Variants in SOX5 observed in about 807,000 individuals in gnomAD.
SOX5 encodes the protein SRY-box transcription factor 5.
In SOX5, 9 loss-of-function variants were observed where a neutral mutation model predicts 92.0. The ratio of observed to expected loss-of-function variants is 0.10; its 90% confidence interval spans 0.06 to 0.17. The LOEUF (loss-of-function observed/expected upper bound fraction) is 0.17, where lower values mean the gene tolerates loss of function less well. SOX5 is among the 10% of genes least tolerant of loss of function. The pLI, the probability that SOX5 is intolerant of heterozygous loss-of-function variation, is 1.00. For missense variants in SOX5, 642 were observed against 944.5 expected (o/e 0.68, Z 4.20); for synonymous variants, 344 against 336.3 (o/e 1.02, Z -0.25).
At chr12:23,581,595 C>T (rs866978082) in intron 9 of SOX5, among the ~76,000 whole-genome samples, 1 of 152,002 alleles carries the variant, frequency 6.6e-6, no homozygotes, top group African/African-American at 2.4e-5. Flanking sequence ...ATACATTCAT[C>T]CATATCTTAT....
At chr12:24,128,500 C>CAA (rs553558525) in intron 4 of SOX5, among the ~76,000 whole-genome samples, 1 of 151,816 alleles carries the variant, frequency 6.6e-6, no homozygotes, top group Non-Finnish European at 1.5e-5. Flanking sequence ...GATAGGGTAG[C>CAA]AAAAAAAGAC....
At chr12:24,172,673 G>C (rs929011619) in intron 4 of SOX5, among the ~76,000 whole-genome samples, 1 of 152,202 alleles carries the variant, frequency 6.6e-6, no homozygotes. Context: ...CTGGCAGAAA[G>C]AGAAAAATCT....
chr12:24,161,103 C>G (rs966364727), intron 4 of SOX5, among the ~76,000 whole-genome samples: 1 of 152,070 alleles, frequency 6.6e-6, no homozygotes, highest in African/African-American at 2.4e-5. Context: ...TGTTCCTACG[C>G]TGAGGTATTG....
At chr12:23,771,807 A>G (rs968262925) in intron 3 of SOX5, among the ~76,000 whole-genome samples, 7 of 152,192 alleles carry the variant, frequency 4.6e-5, no homozygotes, top group African/African-American at 7.2e-5. Flanking sequence ...TGTCAAGACT[A>G]CAAAACAGTG....
intron 1 of SOX5, among the ~76,000 whole-genome samples, chr12:24,487,004 C>G (rs985328640): frequency 2.0e-5 from 3 of 152,180 alleles, no homozygotes; most frequent in African/African-American, 7.2e-5. Context: ...CGTGCTCATT[C>G]TACCAGCTCA....
intron 3 of SOX5, among the ~76,000 whole-genome samples, chr12:23,816,984 A>G (rs1018767184): frequency 2.6e-5 from 4 of 152,178 alleles, no homozygotes; most frequent in Admixed American, 2.6e-4. Context: ...AAAAATATAG[A>G]TTACATTTTA....
chr12:23,802,713 T>C (rs2095685354), intron 3 of SOX5, among the ~76,000 whole-genome samples: 1 of 152,196 alleles, frequency 6.6e-6, no homozygotes, highest in African/African-American at 2.4e-5. Context: ...CTACAATACA[T>C]TTCAATACAA....
At chr12:24,290,954 A>G (rs1451717116) in intron 2 of SOX5, among the ~76,000 whole-genome samples, 3 of 152,232 alleles carry the variant, frequency 2.0e-5, no homozygotes, top group Admixed American at 1.3e-4. Flanking sequence ...AAGTTCACAT[A>G]GCTACTTGTA....
chr12:23,607,052 A>G (rs957915065), intron 8 of SOX5, among the ~76,000 whole-genome samples: 5 of 152,132 alleles, frequency 3.3e-5, no homozygotes, highest in African/African-American at 9.7e-5. Flanking sequence ...CTCTCCCCCA[A>G]ATTGCCCATA....
chr12:23,608,617 G>C (rs1426146826), intron 8 of SOX5, among the ~76,000 whole-genome samples: 1 of 152,084 alleles, frequency 6.6e-6, no homozygotes, highest in Non-Finnish European at 1.5e-5. Flanking sequence ...CTTTGGACAA[G>C]GCAGAACTGA....
intron 1 of SOX5, among the ~76,000 whole-genome samples, chr12:24,514,313 C>T (rs932359981): frequency 2.6e-5 from 4 of 152,168 alleles, no homozygotes; most frequent in Non-Finnish European, 4.4e-5. Flanking sequence ...CTCCAAGACA[C>T]GTATCATCTA....
intron 1 of SOX5, among the ~76,000 whole-genome samples, chr12:24,375,887 C>T (rs77631287): frequency 2.6e-5 from 4 of 152,088 alleles, no homozygotes; most frequent in South Asian, 2.1e-4. Flanking sequence ...TTACTCCAAC[C>T]GCTTTTAAAA....
intron 10 of SOX5, among the ~76,000 whole-genome samples, chr12:23,570,882 G>A (rs1389090717): frequency 1.6e-5 from 2 of 124,370 alleles, no homozygotes; most frequent in African/African-American, 6.3e-5. Flanking sequence ...CTGCACTCCA[G>A]CCTGGGCTAC....
At chr12:24,252,538 T>A (rs1940307396) in intron 3 of SOX5, among the ~76,000 whole-genome samples, 2 of 152,076 alleles carry the variant, frequency 1.3e-5, no homozygotes, top group Non-Finnish European at 2.9e-5. Flanking sequence ...AATAGGCAAG[T>A]GTTTCATCTA....
intron 4 of SOX5, among the ~76,000 whole-genome samples, chr12:24,086,332 C>T (rs1329855299): frequency 6.6e-6 from 1 of 151,922 alleles, no homozygotes; most frequent in Non-Finnish European, 1.5e-5. Context: ...GACATGATTA[C>T]AGAATCAACT....
intron 1 of SOX5, among the ~76,000 whole-genome samples, chr12:24,542,747 C>T (rs770783007): frequency 2.6e-5 from 4 of 152,170 alleles, no homozygotes; most frequent in Non-Finnish European, 4.4e-5. Context: ...TTTGTAAAGA[C>T]GAAAGGCAAA....
chr12:24,341,896 C>G (rs1357523024), intron 2 of SOX5, among the ~76,000 whole-genome samples: 4 of 152,194 alleles, frequency 2.6e-5, no homozygotes, highest in Non-Finnish European at 5.9e-5. Context: ...AGGCCACCTC[C>G]TCCGTTGGTT....
At chr12:24,427,807 A>G (rs887374724) in intron 1 of SOX5, among the ~76,000 whole-genome samples, 1 of 152,230 alleles carries the variant, frequency 6.6e-6, no homozygotes, top group African/African-American at 2.4e-5. Flanking sequence ...AGCGCTTGAT[A>G]AAACTTTCCT....
At chr12:23,721,573 T>G (rs1358614477) in intron 6 of SOX5, among the ~76,000 whole-genome samples, 3 of 152,184 alleles carry the variant, frequency 2.0e-5, no homozygotes, top group Non-Finnish European at 4.4e-5. Context: ...TTATCTTAAC[T>G]GAGGACCTGT....
Sources: allele counts gnomAD v4.1 joint callset (sites outside exome capture counted in the v4.1 genomes callset), GRCh38; gene constraint gnomAD v4.1.1; transcripts MANE v1.5; gene names NCBI Gene and HGNC (gene_info 2026-07-23, HGNC 2026-07-21).